Variants in GULP1 observed in about 807,000 individuals in gnomAD.
GULP1 encodes the protein GULP PTB domain containing engulfment adaptor 1.
A neutral mutation model predicts 40.9 loss-of-function variants in GULP1; 19 were observed. That is an observed-to-expected ratio of 0.46 (90% CI 0.32 to 0.68). The LOEUF (loss-of-function observed/expected upper bound fraction) is 0.68, where lower values mean the gene tolerates loss of function less well. Ranked by LOEUF, GULP1 falls within the 30% of genes least tolerant of loss-of-function variation. GULP1 has a pLI of 0.03. For missense variants in GULP1, 312 were observed against 362.2 expected, an observed-to-expected ratio of 0.86 and a Z score of 1.12; for synonymous variants, 119 against 117.6, an observed-to-expected ratio of 1.01 and a Z score of -0.08.
At chr2:188,523,864 T>C (rs1685453467) in intron 5 of GULP1, among the ~76,000 whole-genome samples, 1 of 152,232 alleles carries the variant, frequency 6.6e-6, no homozygotes, top group Non-Finnish European at 1.5e-5. Flanking sequence ...GAGAATATTT[T>C]ACTAATCGTT....
chr2:188,333,946 C>T (rs560196912), intron 1 of GULP1, among the ~76,000 whole-genome samples: 2 of 152,182 alleles, frequency 1.3e-5, no homozygotes, highest in East Asian at 1.9e-4. Context: ...GCAGGGACTC[C>T]GTGCACTCCA....
intron 1 of GULP1, among the ~76,000 whole-genome samples, chr2:188,298,337 T>C (rs2035431341): frequency 7.3e-6 from 1 of 136,240 alleles, no homozygotes; most frequent in African/African-American, 2.5e-5. Flanking sequence ...GCAATTTATC[T>C]CTATGCTGAA....
At chr2:188,501,726 G>A (rs2063453685) in intron 4 of GULP1, among the ~76,000 whole-genome samples, 2 of 151,926 alleles carry the variant, frequency 1.3e-5, no homozygotes, top group Admixed American at 1.3e-4. Flanking sequence ...TGAGATATAA[G>A]CCATATAGAA....
At chr2:188,567,929 A>G (rs941270853) in intron 7 of GULP1, among the ~76,000 whole-genome samples, 6 of 152,282 alleles carry the variant, frequency 3.9e-5, no homozygotes, top group African/African-American at 1.4e-4. Flanking sequence ...TAACACAACC[A>G]ATTAGTTTAA....
In GULP1 at chr2:188,522,775, T is replaced by TGGAACAGCCAAAA; in HGVS notation, c.118_130dup (p.Glu44AlafsTer24). The TGGAACAGCCAAAA allele has an allele frequency of 6.2e-7, 1 of 1,611,152 alleles. No individual in the cohort carries two copies. Among genetic ancestry groups the TGGAACAGCCAAAA allele is most frequent in the Non-Finnish European group, 8.5e-7 (1 of 1,177,588 alleles). ...TTTCAGTTTCTTGGCAGTACAGAAG[T>TGGAACAGCCAAAA]GGAACAGCCAAAAGGAACAGAAGTT... On this transcript the variant is annotated frameshift_variant, in exon 5 of 12. Transcript: ENST00000409830. LOFTEE classifies it high-confidence loss of function.
At chr2:188,401,511 C>T (rs989208796) in intron 2 of GULP1, among the ~76,000 whole-genome samples, 34 of 152,012 alleles carry the variant, frequency 2.2e-4, no homozygotes, top group African/African-American at 7.7e-4. Flanking sequence ...ATATAATGTA[C>T]CTGAAATTGG....
At chr2:188,405,408 C>T (rs922745318) in intron 2 of GULP1, among the ~76,000 whole-genome samples, 1 of 152,126 alleles carries the variant, frequency 6.6e-6, no homozygotes, top group Non-Finnish European at 1.5e-5. Flanking sequence ...CCTGCTCCAG[C>T]ACACCCAAGC....
intron 7 of GULP1, among the ~76,000 whole-genome samples, chr2:188,549,065 G>A (rs1692743371): frequency 6.6e-6 from 1 of 151,848 alleles, no homozygotes; most frequent in Non-Finnish European, 1.5e-5. Context: ...TCTTAGAATT[G>A]ACATCCATAG....
intron 2 of GULP1, among the ~76,000 whole-genome samples, chr2:188,445,312 A>C (rs2058291398): frequency 6.6e-6 from 1 of 152,102 alleles, no homozygotes; most frequent in Non-Finnish European, 1.5e-5. Flanking sequence ...AAAAACAAAA[A>C]CACTGAAAGC....
At chr2:188,483,571 A>C (rs2061603970) in intron 4 of GULP1, 79 bp downstream of exon 4, 4 of 538,458 alleles carry the variant, frequency 7.4e-6, no homozygotes, top group Non-Finnish European at 1.3e-5. Context: ...CAGATTGCTT[A>C]TGTATTGACA....
intron 1 of GULP1, among the ~76,000 whole-genome samples, chr2:188,372,513 A>G (rs937896797): frequency 7.2e-5 from 11 of 152,184 alleles, no homozygotes; most frequent in African/African-American, 2.2e-4. Context: ...GGAATGTGTA[A>G]TATGACCTCA....
intron 2 of GULP1, among the ~76,000 whole-genome samples, chr2:188,454,754 C>T (rs191457768): frequency 3.0e-4 from 45 of 152,300 alleles, no homozygotes; most frequent in Middle Eastern, 3.4e-3. Context: ...TTAGTTGTGA[C>T]GAAATCCACA....
In GULP1 at chr2:188,595,739, T is replaced by C. The variant is rs1043619425; in HGVS notation, c.*1728T>C. 1 of 152,242 alleles carries C rather than the reference T, an allele frequency of 6.6e-6. No homozygotes were observed. Among genetic ancestry groups the C allele is most frequent in the African/African-American group, 2.4e-5 (1 of 41,414 alleles). The allele number at this position is 152,242 out of a possible 1,614,324, so 9.4% of individuals were successfully genotyped here. ...AGATGGTATTTGCACATTTAAGATA[T>C]GTTACTTTACCAATTTTTAATGGTA... is the stretch of plus-strand genomic sequence containing the variant. On this transcript the variant is annotated 3_prime_UTR_variant, in exon 12 of 12. Coordinates refer to ENST00000409830, the MANE Select transcript of GULP1 (RefSeq NM_016315.4).
At chr2:188,380,915 G>A (rs1402386968) in intron 1 of GULP1, among the ~76,000 whole-genome samples, 1 of 152,060 alleles carries the variant, frequency 6.6e-6, no homozygotes, top group Non-Finnish European at 1.5e-5. Flanking sequence ...AAATGGTACT[G>A]TTGGGGATAA....
intron 2 of GULP1, among the ~76,000 whole-genome samples, chr2:188,404,705 A>G (rs2052808108): frequency 6.6e-6 from 1 of 151,992 alleles, no homozygotes; most frequent in Non-Finnish European, 1.5e-5. Flanking sequence ...CTGGTCCAGC[A>G]TTAGACTGGT....
At chr2:188,310,746 T>C (rs1175118433) in intron 1 of GULP1, among the ~76,000 whole-genome samples, 1 of 151,894 alleles carries the variant, frequency 6.6e-6, no homozygotes, top group Non-Finnish European at 1.5e-5. Flanking sequence ...AGCACTGATA[T>C]TTGAGGAGAA....
chr2:188,587,650 T>C (rs1472397652), intron 10 of GULP1, among the ~76,000 whole-genome samples: 1 of 152,162 alleles, frequency 6.6e-6, no homozygotes, highest in Non-Finnish European at 1.5e-5. Flanking sequence ...ATAATAAAAC[T>C]TTTTAATATC....
intron 2 of GULP1, among the ~76,000 whole-genome samples, chr2:188,421,253 C>T (rs2055365342): frequency 2.0e-5 from 3 of 151,846 alleles, no homozygotes; most frequent in Admixed American, 1.3e-4. Context: ...TTTGTATATC[C>T]CCATTTTTAA....
chr2:188,410,120 G>T (rs2053668408), intron 2 of GULP1, among the ~76,000 whole-genome samples: 1 of 152,108 alleles, frequency 6.6e-6, no homozygotes, highest in Non-Finnish European at 1.5e-5. Context: ...AATAAACAGT[G>T]CTGGAAAAAC....
Sources: gnomAD v4.1 joint callset for allele counts (sites outside exome capture counted in the v4.1 genomes callset) on GRCh38, gnomAD v4.1.1 for gene constraint, MANE v1.5 for transcripts, NCBI Gene and HGNC (gene_info 2026-07-23, HGNC 2026-07-21) for gene names.